The following MICU3 variants were observed in gnomAD, a reference collection of about 807,000 sequenced individuals.
MICU3 encodes the protein mitochondrial calcium uptake 3.
MICU3 carries 62 observed loss-of-function variants against 66.5 expected under a neutral mutation model. The ratio of observed to expected loss-of-function variants is 0.93; its 90% CI spans 0.76 to 1.15. MICU3 has a LOEUF of 1.15. Among genes scored for constraint, MICU3 ranks in the 50% most tolerant of loss-of-function variants. MICU3 has a pLI of 0.00. For missense variants in MICU3, 779 were observed against 664.4 expected (o/e 1.17, Z -1.90); for synonymous variants, 308 against 240.7 (o/e 1.28, Z -2.59).
At chr8:17,051,757 G>A (rs1279026223) in intron 1 of MICU3, among the ~76,000 whole-genome samples, 1 of 152,146 alleles carries the variant, frequency 6.6e-6, no homozygotes, top group African/African-American at 2.4e-5. Context: ...CAGTTTTGGT[G>A]GCATGGTAGA....
intron 1 of MICU3, among the ~76,000 whole-genome samples, chr8:17,057,324 A>T (rs911889848): frequency 6.6e-6 from 1 of 152,176 alleles, no homozygotes; most frequent in Non-Finnish European, 1.5e-5. Context: ...TTCTAAGGAT[A>T]GGGAGCAAAT....
At chr8:17,077,694 G>C in intron 3 of MICU3, 89 bp from the exon 4 acceptor site, 1 of 883,428 alleles carries the variant, frequency 1.1e-6, no homozygotes, top group South Asian at 1.7e-5. Flanking sequence ...TTTAAGTGGA[G>C]AATTTGGCAT....
intron 2 of MICU3, among the ~76,000 whole-genome samples, chr8:17,067,050 C>T (rs1818836185): frequency 6.6e-6 from 1 of 152,124 alleles, no homozygotes; most frequent in Non-Finnish European, 1.5e-5. Context: ...ATTTTACAAC[C>T]ACAACTTCAG....
intron 8 of MICU3, among the ~76,000 whole-genome samples, chr8:17,094,677 T>C (rs1800476900): frequency 6.6e-6 from 1 of 151,984 alleles, no homozygotes; most frequent in Non-Finnish European, 1.5e-5. Context: ...TACTGAAATC[T>C]GAATAACCAT....
chr8:17,060,801 ATTT>A (rs35051264), intron 1 of MICU3, among the ~76,000 whole-genome samples: 4 of 142,278 alleles, frequency 2.8e-5, no homozygotes, highest in Admixed American at 1.4e-4. Context: ...TTAGGATATA[ATTT>A]TTTTTTTTTT....
chr8:17,088,456 CTAAATG>C (rs1799703634), intron 7 of MICU3, among the ~76,000 whole-genome samples: 1 of 151,776 alleles, frequency 6.6e-6, no homozygotes, highest in Non-Finnish European at 1.5e-5. Context: ...AAATAATATA[CTAAATG>C]AGTAAACAGT....
rs201929670 is a variant in MICU3, at chr8:17,122,129, C to T, written c.*1842C>T. On this transcript the variant is annotated 3_prime_UTR_variant, in exon 15 of 15. Transcript: ENST00000318063. ...AAGGAAGAATAGCATTGTACATATGCAATCTTTATTTTATTCTTTATTGCT... is the reference window on the plus strand; with the variant it reads ...AAGGAAGAATAGCATTGTACATATGTAATCTTTATTTTATTCTTTATTGCT... The T allele has an allele frequency of 6.6e-6, 1 of 151,786 alleles. No homozygotes were observed. Among genetic ancestry groups the T allele is most frequent in the Non-Finnish European group, 1.5e-5 (1 of 67,720 alleles). The allele number at this position is 151,786 out of a possible 1,614,324, so 9.4% of individuals were successfully genotyped here.
intron 7 of MICU3, among the ~76,000 whole-genome samples, chr8:17,090,083 T>C (rs769991527): frequency 6.6e-6 from 1 of 152,018 alleles, no homozygotes; most frequent in Non-Finnish European, 1.5e-5. Flanking sequence ...TGCTTGGAGA[T>C]GAGAAAACAG....
chr8:17,034,327 A>T (rs940576159), intron 1 of MICU3, among the ~76,000 whole-genome samples: 2 of 152,246 alleles, frequency 1.3e-5, no homozygotes, highest in African/African-American at 4.8e-5. Flanking sequence ...TAGTCACCCA[A>T]GAGGTCTGAT....
chr8:17,047,240 T>G (rs1815243047), intron 1 of MICU3, among the ~76,000 whole-genome samples: 1 of 152,232 alleles, frequency 6.6e-6, no homozygotes, highest in African/African-American at 2.4e-5. Flanking sequence ...GGAGGCCAGG[T>G]TGGCTAGACA....
chr8:17,049,645 A>T, intron 1 of MICU3: 1 of 518,138 alleles, frequency 1.9e-6, no homozygotes, highest in South Asian at 1.4e-5. Context: ...AAACCCATAT[A>T]CTTTCATTCC....
chr8:17,033,691 C>T (rs1812475143), intron 1 of MICU3, among the ~76,000 whole-genome samples: 1 of 152,108 alleles, frequency 6.6e-6, no homozygotes, highest in South Asian at 2.1e-4. Flanking sequence ...CCCGACTTGG[C>T]CTCCCAAATT....
chr8:17,061,689 C>G (rs1375787797), intron 1 of MICU3, among the ~76,000 whole-genome samples: 1 of 152,110 alleles, frequency 6.6e-6, no homozygotes, highest in African/African-American at 2.4e-5. Flanking sequence ...CACCTAGGCC[C>G]AGGGAAATGG....
the MICU3 span, among the ~76,000 whole-genome samples, chr8:17,136,349 A>G: frequency 6.6e-6 from 1 of 152,120 alleles, no homozygotes; most frequent in Non-Finnish European, 1.5e-5. Context: ...TTGTTTGCTT[A>G]TACCTATCTC....
At chr8:17,101,449 T>G (rs1234827549) in intron 9 of MICU3, among the ~76,000 whole-genome samples, 1 of 151,870 alleles carries the variant, frequency 6.6e-6, no homozygotes, top group Non-Finnish European at 1.5e-5. Context: ...TTCATTTCTC[T>G]GATGTCACTG....
intron 8 of MICU3, among the ~76,000 whole-genome samples, chr8:17,098,106 C>T (rs1194656401): frequency 2.0e-5 from 3 of 151,734 alleles, no homozygotes; most frequent in Non-Finnish European, 4.4e-5. Flanking sequence ...AAATTTTTCC[C>T]AAACAAATTT....
At chr8:17,047,258 A>C (rs886898401) in intron 1 of MICU3, among the ~76,000 whole-genome samples, 2 of 152,236 alleles carry the variant, frequency 1.3e-5, no homozygotes, top group Non-Finnish European at 2.9e-5. Flanking sequence ...ACAGCATATA[A>C]GAACTGTAGC....
intron 9 of MICU3, among the ~76,000 whole-genome samples, chr8:17,099,644 G>A (rs923391791): frequency 3.3e-5 from 5 of 151,808 alleles, no homozygotes; most frequent in Non-Finnish European, 7.4e-5. Flanking sequence ...TATGAGCCAT[G>A]ATTAGGTATG....
At chr8:17,100,743 C>A (rs1380529147) in intron 9 of MICU3, among the ~76,000 whole-genome samples, 6 of 151,678 alleles carry the variant, frequency 4.0e-5, no homozygotes. Context: ...CTCCGTGTCT[C>A]CAATTACTGT....
Sources: gnomAD v4.1 joint callset for allele counts (sites outside exome capture counted in the v4.1 genomes callset) on GRCh38, gnomAD v4.1.1 for gene constraint, MANE v1.5 for transcripts, NCBI Gene and HGNC (gene_info 2026-07-23, HGNC 2026-07-21) for gene names.